CXCR5: variants seen among roughly 807,000 people sequenced by gnomAD.
The protein encoded by CXCR5 is C-X-C motif chemokine receptor 5.
Under a neutral mutation model 5.6 loss-of-function variants are expected in CXCR5, and 3 were observed. The observed-to-expected ratio is 0.54, with a 90% CI of 0.24 to 1.39. The LOEUF (loss-of-function observed/expected upper bound fraction) is 1.39. Ranked by LOEUF, CXCR5 falls within the 40% of genes most tolerant of loss-of-function variation. CXCR5 has a pLI of 0.16. For synonymous variants in CXCR5, 218 were observed against 219.9 expected, an observed-to-expected ratio of 0.99 and a Z score of 0.08; for missense variants, 333 against 494.6, an observed-to-expected ratio of 0.67 and a Z score of 3.10.
chr11:118,884,816 G>A (rs929077512), intron 1 of CXCR5, among the ~76,000 whole-genome samples: 7 of 152,194 alleles, frequency 4.6e-5, no homozygotes, highest in Non-Finnish European at 1.0e-4. Context: ...TGGGCTCCCA[G>A]AAGATGTGTG....
At chr11:118,886,320 G>A (rs1416526952) in intron 1 of CXCR5, 2 of 444,414 alleles carry the variant, frequency 4.5e-6, no homozygotes, top group African/African-American at 2.1e-5. Flanking sequence ...CTAAGAACTG[G>A]GGCCTTTTGG....
Position 118,893,985 on chromosome 11 carries a change from C to T in CXCR5, c.441C>T (p.Arg147=). 1 of 1,613,894 alleles carries T rather than the reference C, an allele frequency of 6.2e-7. No homozygotes were observed. The highest frequency in any genetic ancestry group is 1.1e-5 in the South Asian group (1 of 91,084). Residue 147 remains arginine, a synonymous_variant, in exon 2 of 2, where the codon CGC becomes CGT. Coordinates refer to ENST00000292174, the MANE Select transcript of CXCR5 (RefSeq NM_001716.5). The surrounding 1 kb of genome is among the most constrained non-coding windows in gnomAD (Gnocchi z 5.7). ...SLLLACIAVD[R]YLAIVHAVHA... is the part of the protein sequence containing the mutation. The stretch of plus-strand genomic sequence containing the variant: ...TCCTGGCCTGCATCGCCGTGGACCG[C>T]TACCTGGCCATTGTCCACGCCGTCC...
intron 1 of CXCR5, among the ~76,000 whole-genome samples, chr11:118,892,669 G>C (rs867946472): frequency 2.7e-5 from 4 of 146,236 alleles, no homozygotes; most frequent in African/African-American, 7.5e-5. Context: ...TGGGGTGATG[G>C]GGGGGGGGTG....
In CXCR5 at chr11:118,883,934, G is replaced by A; in HGVS notation, c.-8G>A. The A allele has an allele frequency of 6.2e-7, 1 of 1,610,276 alleles. No homozygotes were observed. Among genetic ancestry groups the A allele is most frequent in the Non-Finnish European group, 8.5e-7 (1 of 1,178,132 alleles). On this transcript the variant is annotated 5_prime_UTR_variant, in exon 1 of 2. Transcript: ENST00000292174. ...TGACCAGTCTGGTGACTCACAGCCGGCACAGCCATGAACTACCCGCTAACG... is the reference window on the plus strand; with the variant it reads ...TGACCAGTCTGGTGACTCACAGCCGACACAGCCATGAACTACCCGCTAACG...
At chr11:118,892,912 GA>G (rs1939835552) in intron 1 of CXCR5, among the ~76,000 whole-genome samples, 1 of 152,214 alleles carries the variant, frequency 6.6e-6, no homozygotes, top group Non-Finnish European at 1.5e-5. Context: ...CCCCTAGAAG[GA>G]AGCCCAGGCA....
chr11:118,883,918 TGGTGACTCACAGCC>T lies in CXCR5; in HGVS notation c.-21_-8del. ...TCTCAACATAAGACAGTGACCAGTCTGGTGACTCACAGCCGGCACAGCCATGAACTACCCGCTAA... is the reference window on the plus strand; with the variant it reads ...TCTCAACATAAGACAGTGACCAGTCTGGCACAGCCATGAACTACCCGCTAA... On this transcript the variant is annotated 5_prime_UTR_variant, in exon 1 of 2. Transcript: ENST00000292174. 6.2e-7 allele frequency: 1 copy of T among 1,608,444 alleles called. No individual in the cohort carries two copies. Among genetic ancestry groups the T allele is most frequent in the East Asian group, 2.2e-5 (1 of 44,498 alleles).
chr11:118,886,250 G>A (rs1939707649), intron 1 of CXCR5: 2 of 423,642 alleles, frequency 4.7e-6, no homozygotes, highest in Admixed American at 6.3e-5. Context: ...CCTTGTCCTT[G>A]CCCATACCAG....
At chr11:118,892,402 C>A (rs1360945298) in intron 1 of CXCR5, among the ~76,000 whole-genome samples, 1 of 152,092 alleles carries the variant, frequency 6.6e-6, no homozygotes, top group Non-Finnish European at 1.5e-5. Flanking sequence ...ATTAAGCCAC[C>A]CGGAGCCTGG....
rs1035161625 is a variant in CXCR5 at position 118,893,195 on chromosome 11, C to T, written c.52-401C>T. 1.3e-5 allele frequency among the ~76,000 whole-genome samples: 2 copies of T among 152,110 alleles called. No homozygotes were observed. The highest frequency in any genetic ancestry group is 1.3e-4 in the Admixed American group (2 of 15,282). On this transcript the variant is annotated intron_variant, in intron 1 of 1. Coordinates refer to ENST00000292174, the MANE Select transcript of CXCR5 (RefSeq NM_001716.5). The surrounding 1 kb of genome is among the most constrained non-coding windows in gnomAD (Gnocchi z 5.7). Reference sequence around the variant, plus strand: ...CACAATGCTAAGTTGCAGTGCCCGACTGTTCTGCTCAGAACTGGAACAGAT... The same window carrying T: ...CACAATGCTAAGTTGCAGTGCCCGATTGTTCTGCTCAGAACTGGAACAGAT...
At chr11:118,889,250 C>A (rs1340371733) in intron 1 of CXCR5, among the ~76,000 whole-genome samples, 1 of 152,236 alleles carries the variant, frequency 6.6e-6, no homozygotes, top group Non-Finnish European at 1.5e-5. Flanking sequence ...GGGCATGTGA[C>A]CCTGGCCCAT....
rs753814058 is a variant in CXCR5, at chr11:118,894,183, T to A, written c.639T>A (p.His213Gln). Reference sequence around the variant, plus strand: ...CCCAAGAGAACCAAGCAGAAACGCATGCCTGGTTCACCTCCCGATTCCTCT... The same window carrying A: ...CCCAAGAGAACCAAGCAGAAACGCAAGCCTGGTTCACCTCCCGATTCCTCT... ...TFSQENQAET[H>Q]AWFTSRFLYH... Residue 213 changes from histidine to glutamine, a missense_variant, in exon 2 of 2, where the codon CAT becomes CAA. Transcript: ENST00000292174. The surrounding 1 kb of genome is among the most constrained non-coding windows in gnomAD (Gnocchi z 6.1). 34 of 1,613,942 alleles carry A rather than the reference T, an allele frequency of 2.1e-5. No individual in the cohort carries two copies. The highest frequency in any genetic ancestry group is 2.9e-5 in the Non-Finnish European group (34 of 1,180,032).
chr11:118,885,061 GC>G (rs986532796), intron 1 of CXCR5, among the ~76,000 whole-genome samples: 5 of 152,142 alleles, frequency 3.3e-5, no homozygotes, highest in African/African-American at 7.2e-5. Flanking sequence ...TGCTCCCCCG[GC>G]TGGAGTGGAC....
In CXCR5 at chr11:118,894,045, C is replaced by T; in HGVS notation, c.501C>T (p.His167=). 1 of 1,614,064 alleles carries T rather than the reference C, an allele frequency of 6.2e-7. No homozygotes were observed. Among genetic ancestry groups the T allele is most frequent in the African/African-American group, 1.3e-5 (1 of 75,056 alleles). The change falls in exon 2 of 2, where the codon CAC becomes CAT. Residue 167 remains histidine (H), a synonymous_variant. Coordinates refer to ENST00000292174, the MANE Select transcript of CXCR5 (RefSeq NM_001716.5). This position sits in a 1 kb window ranked among gnomAD's most constrained non-coding sequence, Gnocchi z 6.1. ...AYRHRRLLSI[H]ITCGTIWLVG... ...GCCACCGCCGCCTCCTCTCCATCCACATCACCTGTGGGACCATCTGGCTGG... is the reference window on the plus strand; with the variant it reads ...GCCACCGCCGCCTCCTCTCCATCCATATCACCTGTGGGACCATCTGGCTGG...
intron 1 of CXCR5, among the ~76,000 whole-genome samples, chr11:118,892,350 C>T (rs1939823428): frequency 6.6e-6 from 1 of 152,268 alleles, no homozygotes; most frequent in East Asian, 1.9e-4. Context: ...GTGACCATCC[C>T]CTCCTTGTGG....
chr11:118,893,294 C>T lies in CXCR5; in HGVS notation c.52-302C>T, dbSNP rs1051758517. 1.6e-5 allele frequency: 11 copies of T among 700,540 alleles called. No homozygotes were observed. The highest frequency in any genetic ancestry group is 6.3e-5 in the Admixed American group (1 of 15,924). The allele number at this position is 700,540 out of a possible 1,614,324, so 43.4% of individuals were successfully genotyped here. A position where few individuals can be genotyped will look rare whatever the true frequency, so the allele number is the denominator to read the frequency against. On this transcript the variant is annotated intron_variant, in intron 1 of 1. Transcript: ENST00000292174. This position sits in a 1 kb window ranked among gnomAD's most constrained non-coding sequence, Gnocchi z 5.7. Reference sequence around the variant, plus strand: ...TCCAGCCGCCAAGGCTGCAGGCTTCCGTACATGAGGACCCAAAAACACAAG... The same window carrying T: ...TCCAGCCGCCAAGGCTGCAGGCTTCTGTACATGAGGACCCAAAAACACAAG...
At chr11:118,892,216 C>G (rs1182879498) in intron 1 of CXCR5, among the ~76,000 whole-genome samples, 1 of 152,146 alleles carries the variant, frequency 6.6e-6, no homozygotes, top group Non-Finnish European at 1.5e-5. Flanking sequence ...TCTCACAGAC[C>G]CTCATTCCCC....
intron 1 of CXCR5, among the ~76,000 whole-genome samples, chr11:118,889,458 T>C (rs1321442027): frequency 6.6e-6 from 1 of 152,220 alleles, no homozygotes. Flanking sequence ...CCTCTGGGCA[T>C]GGGATTGGAG....
chr11:118,888,401 A>G (rs1288257937), intron 1 of CXCR5, among the ~76,000 whole-genome samples: 1 of 152,068 alleles, frequency 6.6e-6, no homozygotes, highest in Non-Finnish European at 1.5e-5. Flanking sequence ...ATCAGCCCTC[A>G]GGGACTCAAG....
rs1009115569 is a variant in CXCR5 at position 118,895,843 on chromosome 11, T to C, written c.*1180T>C. ...ACCGCAGGAAGCTGCTCCGTGCTTG[T>C]TTGCTCACCTGGGGTGTGGGAGGCC... On this transcript the variant is annotated 3_prime_UTR_variant, in exon 2 of 2. Transcript: ENST00000292174. This position sits in a 1 kb window ranked among gnomAD's most constrained non-coding sequence, Gnocchi z 4.2. 6.6e-5 allele frequency: 11 copies of C among 167,134 alleles called. No individual in the cohort carries two copies. Among genetic ancestry groups the C allele is most frequent in the African/African-American group, 2.4e-4 (10 of 41,444 alleles). The allele number at this position is 167,134 out of a possible 1,614,324, so 10.4% of individuals were successfully genotyped here.
Sources: gnomAD v4.1 joint callset for allele counts (sites outside exome capture counted in the v4.1 genomes callset) on GRCh38, gnomAD v4.1.1 for gene constraint, Gnocchi (gnomAD v3.1) non-coding constraint, MANE v1.5 for transcripts, NCBI Gene and HGNC (gene_info 2026-07-23, HGNC 2026-07-21) for gene names.